The following MEF2A variants were observed in gnomAD, a reference collection of about 807,000 sequenced individuals.
The protein encoded by MEF2A is myocyte enhancer factor 2A.
In MEF2A, 28 loss-of-function variants were observed where a neutral mutation model predicts 55.8. That is an observed-to-expected ratio of 0.50 (90% confidence interval 0.37 to 0.69). The LOEUF is 0.69. Ranked by LOEUF, MEF2A falls within the 30% of genes least tolerant of loss-of-function variation. MEF2A has a pLI of 0.00. For synonymous variants in MEF2A, 239 were observed against 227.1 expected, an observed-to-expected ratio of 1.05 and a Z score of -0.47; for missense variants, 528 against 626.2, an observed-to-expected ratio of 0.84 and a Z score of 1.67.
chr15:99,630,208 C>A (rs563185067), intron 2 of MEF2A, among the ~76,000 whole-genome samples: 1 of 151,976 alleles, frequency 6.6e-6, no homozygotes, highest in African/African-American at 2.4e-5. Flanking sequence ...GTTTTCTCCT[C>A]CCCTCTGAGA....
intron 2 of MEF2A, among the ~76,000 whole-genome samples, chr15:99,615,854 A>G (rs997775517): frequency 6.6e-6 from 1 of 152,232 alleles, no homozygotes; most frequent in Admixed American, 6.5e-5. Context: ...CAACATTCAC[A>G]TGGCCTGTGA....
chr15:99,586,870 C>T (rs1967476889), intron 1 of MEF2A, among the ~76,000 whole-genome samples: 1 of 152,140 alleles, frequency 6.6e-6, no homozygotes, highest in South Asian at 2.1e-4. Context: ...GTTCAAGTAT[C>T]ATTTGTTGAT....
chr15:99,577,045 G>A lies in MEF2A; in HGVS notation c.-225+10941G>A, dbSNP rs147695295. Among the ~76,000 whole-genome samples the A allele has an allele frequency of 3.0e-3, 458 of 152,286 alleles. 4 individuals are homozygous for A. Among genetic ancestry groups the A allele is most frequent in the African/African-American group, 0.01 (429 of 41,558 alleles). Reference sequence around the variant, plus strand: ...CAAAATGCCTAATGTTGGCGTTGCTGTTATACTGTTTCGTTCATTAGCAAG... The same window carrying A: ...CAAAATGCCTAATGTTGGCGTTGCTATTATACTGTTTCGTTCATTAGCAAG... On this transcript the variant is annotated intron_variant, in intron 1 of 11. Coordinates refer to ENST00000557942, the MANE Select transcript of MEF2A (RefSeq NM_001319206.4).
At chr15:99,666,025 G>A (rs1318249292) in intron 4 of MEF2A, among the ~76,000 whole-genome samples, 1 of 152,150 alleles carries the variant, frequency 6.6e-6, no homozygotes. Context: ...GGAAGACAGT[G>A]TGGTGATTCC....
chr15:99,657,551 A>C (rs1403996108), intron 4 of MEF2A: 1 of 152,120 alleles, frequency 6.6e-6, no homozygotes, highest in East Asian at 1.9e-4. Flanking sequence ...AAGAACATAA[A>C]GGTAAAAAAG....
chr15:99,678,729 A>G, intron 7 of MEF2A: 3 of 947,250 alleles, frequency 3.2e-6, no homozygotes, highest in Non-Finnish European at 3.8e-6. Flanking sequence ...GACTTCTTAA[A>G]TAAGAAACCA....
intron 7 of MEF2A, among the ~76,000 whole-genome samples, chr15:99,685,178 T>C (rs1209850466): frequency 6.6e-6 from 1 of 152,230 alleles, no homozygotes; most frequent in Non-Finnish European, 1.5e-5. Context: ...CTATGCAGGC[T>C]CTTTTGGTTC....
intron 1 of MEF2A, among the ~76,000 whole-genome samples, chr15:99,569,447 A>G (rs1961151024): frequency 6.6e-6 from 1 of 152,242 alleles, no homozygotes; most frequent in Admixed American, 6.5e-5. Context: ...TTTGGATAAA[A>G]TATCCCAGCA....
chr15:99,567,243 G>A (rs1960053842), intron 1 of MEF2A, among the ~76,000 whole-genome samples: 1 of 152,202 alleles, frequency 6.6e-6, no homozygotes, highest in African/African-American at 2.4e-5. Context: ...AGAAAGGCCT[G>A]CTGTGATGTG....
At chr15:99,623,894 G>A (rs915049365) in intron 2 of MEF2A, among the ~76,000 whole-genome samples, 12 of 149,464 alleles carry the variant, frequency 8.0e-5, no homozygotes, top group Admixed American at 2.0e-4. Context: ...TGCAATCTCC[G>A]CTTCCCGGGT....
intron 1 of MEF2A, among the ~76,000 whole-genome samples, chr15:99,583,148 G>A (rs933925164): frequency 8.5e-5 from 13 of 152,114 alleles, no homozygotes; most frequent in South Asian, 2.1e-4. Context: ...CGTTAGTTCA[G>A]GTGCTTTTTG....
rs72760560 is a variant in MEF2A, at chr15:99,705,869, A to G, written c.883-860A>G. 3.9e-3 allele frequency among the ~76,000 whole-genome samples: 601 copies of G among 152,352 alleles called. 1 individual carries two copies. Among genetic ancestry groups the G allele is most frequent in the Non-Finnish European group, 6.9e-3 (472 of 68,036 alleles). ...TTGTGCTGTGGCTTTCTTATGTGCT[A>G]GTGACACAGAGTCTGTTGTGTTCCT... is the stretch of plus-strand genomic sequence containing the variant. On this transcript the variant is annotated intron_variant, in intron 9 of 11. Coordinates refer to ENST00000557942, the MANE Select transcript of MEF2A (RefSeq NM_001319206.4).
At chr15:99,693,086 G>GCC (rs1480690290) in intron 8 of MEF2A, among the ~76,000 whole-genome samples, 1 of 152,134 alleles carries the variant, frequency 6.6e-6, no homozygotes, top group Non-Finnish European at 1.5e-5. Flanking sequence ...TGTGGTAGGT[G>GCC]CCCTGATGGT....
intron 8 of MEF2A, among the ~76,000 whole-genome samples, chr15:99,698,522 G>A (rs944620387): frequency 6.6e-6 from 1 of 152,178 alleles, no homozygotes; most frequent in Non-Finnish European, 1.5e-5. Context: ...GCTGGGCGCG[G>A]TGGCTCACAC....
At chr15:99,646,890 A>C (rs752638952) in intron 4 of MEF2A, among the ~76,000 whole-genome samples, 7 of 152,088 alleles carry the variant, frequency 4.6e-5, no homozygotes, top group African/African-American at 1.7e-4. Context: ...CATTTTTTCA[A>C]ATGAGAAGTA....
intron 4 of MEF2A, among the ~76,000 whole-genome samples, chr15:99,656,739 T>G (rs2047784525): frequency 6.6e-6 from 1 of 152,158 alleles, no homozygotes; most frequent in African/African-American, 2.4e-5. Flanking sequence ...AATGCATATT[T>G]TAATTGCTTA....
At chr15:99,703,545 A>G (rs559270170) in intron 9 of MEF2A, among the ~76,000 whole-genome samples, 160 bp downstream of exon 9, 95 of 152,270 alleles carry the variant, frequency 6.2e-4, no homozygotes, top group Non-Finnish European at 1.2e-3. Context: ...TACAGACTCT[A>G]GTTTTTCTAT....
chr15:99,705,223 C>T (rs1217238482), intron 9 of MEF2A, among the ~76,000 whole-genome samples: 1 of 152,198 alleles, frequency 6.6e-6, no homozygotes, highest in Admixed American at 6.5e-5. Context: ...CCGAGCAATA[C>T]TAGAACAACT....
intron 8 of MEF2A, chr15:99,690,700 G>A (rs1258698786): frequency 1.8e-6 from 1 of 558,706 alleles, no homozygotes; most frequent in Admixed American, 2.2e-5. Flanking sequence ...AATAAGCCAG[G>A]CATAGAAAGA....
Sources: allele counts gnomAD v4.1 joint callset (sites outside exome capture counted in the v4.1 genomes callset), GRCh38; gene constraint gnomAD v4.1.1; transcripts MANE v1.5; gene names NCBI Gene and HGNC (gene_info 2026-07-23, HGNC 2026-07-21).